Variants in ATRNL1 observed in about 807,000 individuals in gnomAD.
ATRNL1 encodes the protein attractin-like protein 1.
ATRNL1 carries 95 observed loss-of-function variants against 182.7 expected under a neutral mutation model. The ratio of observed to expected loss-of-function variants is 0.52; its 90% CI spans 0.44 to 0.62. The LOEUF (loss-of-function observed/expected upper bound fraction) is 0.62, where lower values mean the gene tolerates loss of function less well. Among genes scored for constraint, ATRNL1 ranks in the 20% least tolerant of loss-of-function variants. ATRNL1 has a pLI of 0.00. For synonymous variants in ATRNL1, 576 were observed against 568.3 expected, an observed-to-expected ratio of 1.01 and a Z score of -0.19; for missense variants, 1,471 against 1,679.5, an observed-to-expected ratio of 0.88 and a Z score of 2.17.
intron 5 of ATRNL1, among the ~76,000 whole-genome samples, chr10:115,142,407 A>T (rs1845788892): frequency 6.6e-6 from 1 of 152,154 alleles, no homozygotes; most frequent in Non-Finnish European, 1.5e-5. Flanking sequence ...TGAATTACTG[A>T]TGGGGAGATT....
intron 19 of ATRNL1, among the ~76,000 whole-genome samples, chr10:115,370,079 C>A (rs568753810): frequency 3.3e-5 from 5 of 152,280 alleles, no homozygotes; most frequent in East Asian, 1.9e-4. Context: ...AGGGGAGTTT[C>A]CCTGCACAAA....
At chr10:115,271,446 A>G (rs562664290) in intron 13 of ATRNL1, among the ~76,000 whole-genome samples, 61 of 150,872 alleles carry the variant, frequency 4.0e-4, no homozygotes, top group African/African-American at 1.4e-3. Context: ...CCCCCACCCC[A>G]CGACAGGCCC....
chr10:115,670,618 A>G (rs943792157), intron 26 of ATRNL1, among the ~76,000 whole-genome samples: 36 of 152,124 alleles, frequency 2.4e-4, no homozygotes, highest in African/African-American at 8.7e-4. Flanking sequence ...AAATCAGCCC[A>G]TTTTGTGGAT....
intron 27 of ATRNL1, among the ~76,000 whole-genome samples, chr10:115,752,840 G>A (rs541307041): frequency 2.9e-4 from 44 of 152,112 alleles, no homozygotes; most frequent in Non-Finnish European, 4.9e-4. Flanking sequence ...TAAGTAAGTA[G>A]CGTTCTTTTC....
At chr10:115,818,113 A>G (rs1324374268) in intron 27 of ATRNL1, among the ~76,000 whole-genome samples, 1 of 151,298 alleles carries the variant, frequency 6.6e-6, no homozygotes, top group Non-Finnish European at 1.5e-5. Context: ...ATTGCTTTCC[A>G]GGGCTTCTAA....
intron 1 of ATRNL1, among the ~76,000 whole-genome samples, chr10:115,107,308 G>T (rs1247547386): frequency 6.6e-6 from 1 of 152,148 alleles, no homozygotes; most frequent in Admixed American, 6.5e-5. Context: ...ACAGGTATAG[G>T]ATCTACATTC....
chr10:115,916,845 T>A lies in ATRNL1; in HGVS notation c.4019-27813T>A, dbSNP rs181068349. Among the ~76,000 whole-genome samples the A allele has an allele frequency of 8.1e-4, 123 of 152,274 alleles. 1 individual carries two copies. The highest frequency in any genetic ancestry group is 2.2e-3 in the African/African-American group (90 of 41,556). On this transcript the variant is annotated intron_variant, in intron 28 of 28. Transcript: ENST00000355044. ...AGAGAAAGTTATCTGTATCCCACTT[T>A]GAGATACCCAGAATCCGTGCTTCCA... is the stretch of plus-strand genomic sequence containing the variant.
At chr10:115,659,258 C>T (rs1238525836) in intron 26 of ATRNL1, among the ~76,000 whole-genome samples, 1 of 152,068 alleles carries the variant, frequency 6.6e-6, no homozygotes, top group Non-Finnish European at 1.5e-5. Context: ...CTGCCCACAC[C>T]TTTGTAAATA....
intron 27 of ATRNL1, among the ~76,000 whole-genome samples, chr10:115,746,500 A>G (rs1217489687): frequency 6.6e-6 from 1 of 152,042 alleles, no homozygotes; most frequent in Admixed American, 6.6e-5. Flanking sequence ...AGTTTCTTTG[A>G]TAGCATTTTA....
intron 25 of ATRNL1, among the ~76,000 whole-genome samples, chr10:115,547,272 AT>A (rs1852718112): frequency 6.7e-6 from 1 of 148,306 alleles, no homozygotes; most frequent in East Asian, 2.0e-4. Flanking sequence ...AAATATATAT[AT>A]ATATATATAA....
At chr10:115,315,796 T>A in intron 18 of ATRNL1, 60 bp downstream of exon 18, 7 of 1,354,844 alleles carry the variant, frequency 5.2e-6, no homozygotes, top group Non-Finnish European at 7.1e-6. Context: ...AGAAGGAGTT[T>A]TTGTTCTTAT....
At chr10:115,727,582 T>G (rs1390463616) in intron 27 of ATRNL1, among the ~76,000 whole-genome samples, 2 of 152,188 alleles carry the variant, frequency 1.3e-5, no homozygotes, top group East Asian at 3.9e-4. Flanking sequence ...AGTGACAGAC[T>G]GCTCACCTGG....
At chr10:115,371,084 G>C (rs1470975372) in intron 19 of ATRNL1, among the ~76,000 whole-genome samples, 2 of 152,168 alleles carry the variant, frequency 1.3e-5, no homozygotes, top group African/African-American at 4.8e-5. Context: ...TGAGCCTGTG[G>C]GTACACAGAA....
At chr10:115,220,729 G>GT (rs1461987733) in intron 9 of ATRNL1, among the ~76,000 whole-genome samples, 1 of 98,562 alleles carries the variant, frequency 1.0e-5, no homozygotes, top group African/African-American at 4.0e-5. Flanking sequence ...AATAATGGGG[G>GT]GGGGGGGGCG....
intron 8 of ATRNL1, among the ~76,000 whole-genome samples, chr10:115,181,480 T>C (rs1847743507): frequency 6.6e-6 from 1 of 151,768 alleles, no homozygotes; most frequent in Non-Finnish European, 1.5e-5. Flanking sequence ...AAGAGAACAT[T>C]TACTTGTTAA....
chr10:115,298,679 A>G (rs1229961959), intron 15 of ATRNL1, among the ~76,000 whole-genome samples: 2 of 152,118 alleles, frequency 1.3e-5, no homozygotes, highest in Non-Finnish European at 2.9e-5. Context: ...GTGAAGCAGC[A>G]TGTGTGTTTT....
intron 19 of ATRNL1, among the ~76,000 whole-genome samples, chr10:115,344,336 A>G (rs1455239171): frequency 6.6e-6 from 1 of 152,214 alleles, no homozygotes; most frequent in Non-Finnish European, 1.5e-5. Context: ...GCTGGCACTC[A>G]AAACGCAATA....
At chr10:115,170,001 A>G (rs1168647443) in intron 7 of ATRNL1, among the ~76,000 whole-genome samples, 5 of 152,120 alleles carry the variant, frequency 3.3e-5, no homozygotes, top group African/African-American at 1.2e-4. Flanking sequence ...ATGTTCTGTA[A>G]TATTGCTGAT....
chr10:115,598,521 G>A (rs1323922002), intron 26 of ATRNL1, among the ~76,000 whole-genome samples: 5 of 151,434 alleles, frequency 3.3e-5, no homozygotes, highest in African/African-American at 1.2e-4. Flanking sequence ...ACACCACCAC[G>A]CCTGGCTAAT....
Sources: gnomAD v4.1 joint callset for allele counts (sites outside exome capture counted in the v4.1 genomes callset) on GRCh38, gnomAD v4.1.1 for gene constraint, MANE v1.5 for transcripts, NCBI Gene and HGNC (gene_info 2026-07-23, HGNC 2026-07-21) for gene names.